ZMAT1: variants seen among roughly 807,000 people sequenced by gnomAD.
ZMAT1 encodes zinc finger matrin-type 1, also known as zinc finger matrin-type protein 1.
In ZMAT1, 11 loss-of-function variants were observed where a neutral mutation model predicts 18.5. The observed-to-expected ratio is 0.59, with a 90% CI of 0.37 to 0.98. The LOEUF (loss-of-function observed/expected upper bound fraction) is 0.98, where lower values mean the gene tolerates loss of function less well. ZMAT1 is among the 50% of genes least tolerant of loss of function. The pLI, the probability that ZMAT1 is intolerant of heterozygous loss-of-function variation, is 0.01. For missense variants in ZMAT1, 525 were observed against 496.2 expected (o/e 1.06, Z -0.55); for synonymous variants, 211 against 176.4 (o/e 1.20, Z -1.55).
intron 5 of ZMAT1, among the ~76,000 whole-genome samples, chrX:101,885,620 T>A (rs1278415169): frequency 1.8e-5 from 2 of 111,745 alleles, no homozygotes; most frequent in African/African-American, 6.5e-5. Context: ...ATAATATAAA[T>A]ATTTTCTACT....
chrX:101,896,603 T>C (rs1319825423), intron 4 of ZMAT1, among the ~76,000 whole-genome samples: 1 of 112,468 alleles, frequency 8.9e-6, no homozygotes, highest in Admixed American at 9.4e-5. Flanking sequence ...GAGTTCAAAA[T>C]TGATGAGTTC....
chrX:101,888,143 C>T (rs1827156826), intron 4 of ZMAT1: 1 of 111,552 alleles, frequency 9.0e-6, no homozygotes, highest in African/African-American at 3.3e-5. Flanking sequence ...TTATCACAGG[C>T]TTTGTGAGAA....
intron 1 of ZMAT1, among the ~76,000 whole-genome samples, chrX:101,917,779 G>A (rs1929433034): frequency 8.9e-6 from 1 of 112,639 alleles, no homozygotes; most frequent in Non-Finnish European, 1.9e-5. Flanking sequence ...AAATTTGGAA[G>A]CAACCGAAGT....
intron 1 of ZMAT1, among the ~76,000 whole-genome samples, chrX:101,930,694 C>A (rs1421284650): frequency 8.9e-6 from 1 of 112,260 alleles, no homozygotes; most frequent in Non-Finnish European, 1.9e-5. Flanking sequence ...ACAGCAAATT[C>A]TGGAAATTAA....
intron 2 of ZMAT1, among the ~76,000 whole-genome samples, chrX:101,900,096 A>G (rs769830612): frequency 2.7e-5 from 3 of 111,967 alleles, no homozygotes; most frequent in African/African-American, 6.5e-5. Flanking sequence ...GGCCATTTGC[A>G]TATCTTCTTT....
At chrX:101,886,936 A>T in intron 4 of ZMAT1, 1 of 340,505 alleles carries the variant, frequency 2.9e-6, no homozygotes, top group South Asian at 6.8e-5. Flanking sequence ...ACACCTCTTA[A>T]TTGAATGCCC....
In ZMAT1 at chrX:101,883,677, C is replaced by T. The variant is rs1926662700; in HGVS notation, c.1921G>A (p.Asp641Asn). Residue 641 changes from aspartate (D) to asparagine (N), a missense_variant, in exon 6 of 6, where the codon GAT becomes AAT. Physicochemically the swap from Asp to Asn is conservative, Grantham distance 23 (BLOSUM62 1). Coordinates refer to ENST00000651725, the MANE Select transcript of ZMAT1 (RefSeq NM_001394560.1). ...KSIRQRKREE[D>N]RVKVSSGKLK... ...TTTCCTGAACTGACCTTGACTCTATCCTCCTCTCTTTTCCTTTGTCTGATG... is the reference window on the plus strand; with the variant it reads ...TTTCCTGAACTGACCTTGACTCTATTCTCCTCTCTTTTCCTTTGTCTGATG... The T allele has an allele frequency of 2.5e-6, 3 of 1,207,836 alleles. No individual in the cohort carries two copies. In the East Asian group the frequency reaches 8.9e-5, roughly 36 times the overall value.
chrX:101,886,858 C>T, intron 4 of ZMAT1, 127 bp from the exon 5 acceptor site: 1 of 481,484 alleles, frequency 2.1e-6, no homozygotes, highest in East Asian at 3.9e-5. Flanking sequence ...AGATGGGGCC[C>T]AGAGAGGTCA....
intron 1 of ZMAT1, among the ~76,000 whole-genome samples, chrX:101,911,155 C>T (rs1388585711): frequency 2.2e-4 from 24 of 111,398 alleles, no homozygotes; most frequent in African/African-American, 7.8e-4. Flanking sequence ...AAAAAAAAAG[C>T]CCTTTTACCC....
At chrX:101,898,076 A>G (rs752193964) in intron 3 of ZMAT1, 34 bp from the exon 4 acceptor site, 1 of 1,209,074 alleles carries the variant, frequency 8.3e-7, no homozygotes, top group South Asian at 1.8e-5. Flanking sequence ...GAAAGATTCA[A>G]TAACTCAAAG....
At chrX:101,921,983 A>C (rs930514345) in intron 1 of ZMAT1, among the ~76,000 whole-genome samples, 5 of 111,188 alleles carry the variant, frequency 4.5e-5, no homozygotes, top group Non-Finnish European at 9.4e-5. Flanking sequence ...TCTAGGACAT[A>C]GTTAGATAGA....
chrX:101,910,688 G>T (rs1047170856), intron 1 of ZMAT1, among the ~76,000 whole-genome samples: 3 of 111,890 alleles, frequency 2.7e-5, no homozygotes, highest in African/African-American at 9.8e-5. Flanking sequence ...GCAGAAGAAA[G>T]AATTAGTGAG....
intron 1 of ZMAT1, among the ~76,000 whole-genome samples, chrX:101,906,011 A>G (rs1159403396): frequency 3.6e-5 from 4 of 111,274 alleles, no homozygotes; most frequent in Non-Finnish European, 7.5e-5. Context: ...GCCCCCTACC[A>G]AGCCCAGCAT....
At chrX:101,905,644 A>T (rs1928561459) in intron 1 of ZMAT1, among the ~76,000 whole-genome samples, 1 of 112,135 alleles carries the variant, frequency 8.9e-6, no homozygotes, top group Non-Finnish European at 1.9e-5. Flanking sequence ...AACCGAATTT[A>T]AAAATGGTTA....
At chrX:101,907,865 G>T (rs1453516504) in intron 1 of ZMAT1, among the ~76,000 whole-genome samples, 1 of 110,754 alleles carries the variant, frequency 9.0e-6, no homozygotes, top group Admixed American at 9.6e-5. Context: ...AAAATATACC[G>T]TAAGAGGAAA....
Position 101,910,265 on chromosome X carries a change from G to C in ZMAT1, c.293-5935C>G, listed in dbSNP as rs919752776. ...ACACAGCTTAGATCACAACACCCAG[G>C]TCCTTTCAAATATCTGGTAAGCCTT... On this transcript the variant is annotated intron_variant, in intron 1 of 5. Transcript: ENST00000651725. Among the ~76,000 whole-genome samples the C allele has an allele frequency of 5.3e-5, 6 of 112,424 alleles. No individual in the cohort carries two copies. In the Admixed American group the frequency reaches 5.6e-4, roughly 11 times the overall value.
chrX:101,894,165 C>T (rs1290967336), intron 4 of ZMAT1, among the ~76,000 whole-genome samples: 1 of 111,408 alleles, frequency 9.0e-6, no homozygotes, highest in Non-Finnish European at 1.9e-5. Flanking sequence ...TTATTCAGTA[C>T]AAATCACCTA....
intron 4 of ZMAT1, among the ~76,000 whole-genome samples, chrX:101,895,471 A>G (rs993818430): frequency 8.1e-5 from 9 of 111,272 alleles, no homozygotes; most frequent in African/African-American, 2.9e-4. Flanking sequence ...ATAAAATTCT[A>G]TGATTCCATG....
At chrX:101,893,284 T>G (rs775098855) in intron 4 of ZMAT1, among the ~76,000 whole-genome samples, 1 of 111,587 alleles carries the variant, frequency 9.0e-6, no homozygotes, top group Non-Finnish European at 1.9e-5. Context: ...ATTTACCTAA[T>G]GCTAGAAAAT....
Sources: allele counts gnomAD v4.1 joint callset (sites outside exome capture counted in the v4.1 genomes callset), GRCh38; gene constraint gnomAD v4.1.1; transcripts MANE v1.5; gene names NCBI Gene and HGNC (gene_info 2026-07-23, HGNC 2026-07-21).